MACROD2: variants seen among roughly 807,000 people sequenced by gnomAD.
MACROD2 encodes mono-ADP ribosylhydrolase 2.
MACROD2 carries 36 observed loss-of-function variants against 70.4 expected under a neutral mutation model. The observed-to-expected ratio is 0.51, with a 90% CI of 0.39 to 0.68. MACROD2 has a LOEUF of 0.68. MACROD2 is among the 30% of genes least tolerant of loss of function. The pLI, the probability that MACROD2 is intolerant of heterozygous loss-of-function variation, is 0.00. For missense variants in MACROD2, 496 were observed against 538.4 expected, an observed-to-expected ratio of 0.92 and a Z score of 0.78; for synonymous variants, 172 against 178.8, an observed-to-expected ratio of 0.96 and a Z score of 0.30.
chr20:15,815,332 GGTTTTC>G (rs753245916), intron 8 of MACROD2, among the ~76,000 whole-genome samples: 3 of 151,966 alleles, frequency 2.0e-5, no homozygotes, highest in Admixed American at 6.6e-5. Context: ...GAACCCAGTG[GGTTTTC>G]GTTTTGTTAT....
chr20:15,959,365 G>A (rs978561660), intron 12 of MACROD2, among the ~76,000 whole-genome samples: 1 of 152,156 alleles, frequency 6.6e-6, no homozygotes, highest in Non-Finnish European at 1.5e-5. Flanking sequence ...TGTATGACCA[G>A]GCTGTTTCGT....
intron 8 of MACROD2, among the ~76,000 whole-genome samples, chr20:15,855,935 C>A (rs796752655): frequency 2.6e-5 from 4 of 152,200 alleles, no homozygotes; most frequent in African/African-American, 9.6e-5. Flanking sequence ...CATTTATGGA[C>A]ATTTAAGTAG....
At chr20:14,737,661 T>A (rs1170398821) in intron 5 of MACROD2, among the ~76,000 whole-genome samples, 1 of 152,222 alleles carries the variant, frequency 6.6e-6, no homozygotes, top group Non-Finnish European at 1.5e-5. Flanking sequence ...TGGCTTGAGA[T>A]GGTGTCTCAT....
At chr20:14,425,163 C>T (rs1052801137) in intron 3 of MACROD2, among the ~76,000 whole-genome samples, 13 of 152,162 alleles carry the variant, frequency 8.5e-5, no homozygotes, top group African/African-American at 3.1e-4. Context: ...CTCTTTCACC[C>T]AGTGTTAGCT....
intron 8 of MACROD2, among the ~76,000 whole-genome samples, chr20:15,570,338 C>T (rs147256959): frequency 2.6e-5 from 4 of 152,130 alleles, no homozygotes; most frequent in Non-Finnish European, 5.9e-5. Flanking sequence ...AATGTTGGCA[C>T]TTTGAAATAG....
intron 5 of MACROD2, among the ~76,000 whole-genome samples, chr20:14,867,142 A>C (rs927356395): frequency 1.3e-5 from 2 of 152,116 alleles, no homozygotes; most frequent in African/African-American, 4.8e-5. Context: ...TTCTACTTCT[A>C]AGTAAATACT....
chr20:15,175,870 G>T (rs1382655434), intron 5 of MACROD2, among the ~76,000 whole-genome samples: 1 of 152,160 alleles, frequency 6.6e-6, no homozygotes, highest in Non-Finnish European at 1.5e-5. Flanking sequence ...CAAGTTGATG[G>T]GGCAGGAGCC....
intron 8 of MACROD2, among the ~76,000 whole-genome samples, chr20:15,827,050 G>T (rs908063677): frequency 6.6e-6 from 1 of 152,214 alleles, no homozygotes; most frequent in Non-Finnish European, 1.5e-5. Context: ...TTTCTTTTGG[G>T]TAGCTGTTTC....
At position 14,968,282 on chromosome 20, in the gene MACROD2, G is replaced by A. The variant is rs180869968; in HGVS notation, c.419-261658G>A. On this transcript the variant is annotated intron_variant, in intron 5 of 17. Coordinates refer to ENST00000684519, the MANE Select transcript of MACROD2 (RefSeq NM_001351661.2). The stretch of plus-strand genomic sequence containing the variant: ...AAGATGATACTCCCGTTAAATGTGT[G>A]TACAATCATTCAGCTGCTGTGGCAG... Among the ~76,000 whole-genome samples, 61 of 152,274 alleles carry A rather than the reference G, an allele frequency of 4.0e-4. No homozygotes were observed. In the East Asian group the frequency reaches 8.7e-3, roughly 22 times the overall value.
chr20:15,397,747 A>G (rs1172619876), intron 6 of MACROD2, among the ~76,000 whole-genome samples: 2 of 152,222 alleles, frequency 1.3e-5, no homozygotes, highest in East Asian at 3.8e-4. Flanking sequence ...GTGGAAATTC[A>G]CAGCTTCAAT....
At chr20:14,229,131 A>G (rs6074706) in intron 3 of MACROD2, among the ~76,000 whole-genome samples, 147,597 of 152,296 alleles carry the variant, frequency 0.97, 71,536 homozygotes, top group Admixed American at 0.99. Flanking sequence ...AGGAGATAAC[A>G]TAGGACAAAA....
chr20:14,968,105 C>A (rs2074655188), intron 5 of MACROD2, among the ~76,000 whole-genome samples: 1 of 152,104 alleles, frequency 6.6e-6, no homozygotes, highest in African/African-American at 2.4e-5. Context: ...TGTGAGGTTT[C>A]TTTGTGTATA....
Position 14,386,569 on chromosome 20 carries a change from T to G in MACROD2, c.272-106910T>G, listed in dbSNP as rs988020100. Among the ~76,000 whole-genome samples, 5 of 151,098 alleles carry G rather than the reference T, an allele frequency of 3.3e-5. No individual in the cohort carries two copies. The East Asian group carries it at 7.7e-4, about 23-fold the overall frequency. ...TGAATTCATAGGACATCTGATCATT[T>G]AAAAGTATGTGGCACCTCTTTTCTC... On this transcript the variant is annotated intron_variant, in intron 3 of 17. Coordinates refer to ENST00000684519, the MANE Select transcript of MACROD2 (RefSeq NM_001351661.2).
At chr20:15,786,348 A>T (rs967104902) in intron 8 of MACROD2, among the ~76,000 whole-genome samples, 2 of 152,168 alleles carry the variant, frequency 1.3e-5, no homozygotes, top group African/African-American at 2.4e-5. Context: ...AAGAAAAAAA[A>T]GTGTGTGCCA....
At chr20:14,271,558 A>G (rs908859604) in intron 3 of MACROD2, among the ~76,000 whole-genome samples, 7 of 152,214 alleles carry the variant, frequency 4.6e-5, no homozygotes, top group Non-Finnish European at 1.0e-4. Flanking sequence ...ACAGAGCAGA[A>G]AAACTGGAAA....
intron 7 of MACROD2, among the ~76,000 whole-genome samples, chr20:15,458,065 C>A (rs1046023014): frequency 6.6e-6 from 1 of 151,840 alleles, no homozygotes; most frequent in Non-Finnish European, 1.5e-5. Flanking sequence ...TTTCTAAACT[C>A]AATTTCCAGT....
At chr20:14,188,892 A>G (rs2081364596) in intron 3 of MACROD2, among the ~76,000 whole-genome samples, 1 of 152,152 alleles carries the variant, frequency 6.6e-6, no homozygotes. Flanking sequence ...ATTTAGAGCT[A>G]TTTATTTATG....
At chr20:14,488,671 G>A (rs192275364) in intron 3 of MACROD2, among the ~76,000 whole-genome samples, 1 of 152,272 alleles carries the variant, frequency 6.6e-6, no homozygotes, top group East Asian at 1.9e-4. Flanking sequence ...TTGACATATT[G>A]TATGGTGGGT....
At chr20:15,099,139 A>C (rs1415652866) in intron 5 of MACROD2, among the ~76,000 whole-genome samples, 1 of 152,230 alleles carries the variant, frequency 6.6e-6, no homozygotes, top group Non-Finnish European at 1.5e-5. Flanking sequence ...TAGTGCTTAG[A>C]AGCCCCAAAC....
Sources: gnomAD v4.1 joint callset for allele counts (sites outside exome capture counted in the v4.1 genomes callset) on GRCh38, gnomAD v4.1.1 for gene constraint, MANE v1.5 for transcripts, NCBI Gene and HGNC (gene_info 2026-07-23, HGNC 2026-07-21) for gene names.